Variants in IMMP2L observed in about 807,000 individuals in gnomAD.
IMMP2L encodes mitochondrial inner membrane protease subunit 2.
Under a neutral mutation model 19.3 loss-of-function variants are expected in IMMP2L, and 18 were observed. The ratio of observed to expected loss-of-function variants is 0.93; its 90% CI spans 0.64 to 1.38. IMMP2L has a LOEUF of 1.38. Ranked by LOEUF, IMMP2L falls within the 40% of genes most tolerant of loss-of-function variation. IMMP2L has a pLI of 0.00. For missense variants in IMMP2L, 233 were observed against 218.2 expected, an observed-to-expected ratio of 1.07 and a Z score of -0.43; for synonymous variants, 76 against 73.0, an observed-to-expected ratio of 1.04 and a Z score of -0.21.
intron 3 of IMMP2L, among the ~76,000 whole-genome samples, chr7:111,355,618 A>G (rs1020715994): frequency 4.6e-5 from 7 of 151,942 alleles, no homozygotes; most frequent in African/African-American, 1.7e-4. Flanking sequence ...CAGGGAAAAA[A>G]TAGAATAGAA....
intron 5 of IMMP2L, among the ~76,000 whole-genome samples, chr7:110,878,610 A>G (rs1318454718): frequency 6.6e-6 from 1 of 152,212 alleles, no homozygotes; most frequent in East Asian, 1.9e-4. Context: ...TTAATCCTTC[A>G]TATCATTCAC....
intron 3 of IMMP2L, among the ~76,000 whole-genome samples, chr7:111,238,440 ATCAC>A (rs1462194820): frequency 2.6e-5 from 4 of 152,170 alleles, no homozygotes; most frequent in South Asian, 2.1e-4. Flanking sequence ...AATACGATGT[ATCAC>A]TCACTCACTA....
At chr7:111,043,374 C>G (rs1045665662) in intron 3 of IMMP2L, among the ~76,000 whole-genome samples, 1 of 152,108 alleles carries the variant, frequency 6.6e-6, no homozygotes, top group Non-Finnish European at 1.5e-5. Context: ...AATGTCCCAC[C>G]TTCCTCCCCT....
Position 110,869,119 on chromosome 7 carries a change from G to A in IMMP2L, c.408+17474C>T, listed in dbSNP as rs567092074. On this transcript the variant is annotated intron_variant, in intron 5 of 5. Transcript: ENST00000405709. Reference sequence around the variant, plus strand: ...TACGCAACAGAAACTGTAATTATTTGTTCCCAGAGTTCAGGAAAATCAACC... The same window carrying A: ...TACGCAACAGAAACTGTAATTATTTATTCCCAGAGTTCAGGAAAATCAACC... 1.6e-4 allele frequency among the ~76,000 whole-genome samples: 25 copies of A among 152,096 alleles called. No individual in the cohort carries two copies. In the South Asian group the frequency reaches 5.2e-3, roughly 32 times the overall value.
chr7:111,339,144 T>C (rs540711698), intron 3 of IMMP2L, among the ~76,000 whole-genome samples: 34 of 152,050 alleles, frequency 2.2e-4, no homozygotes, highest in Non-Finnish European at 4.6e-4. Flanking sequence ...AATTATATAA[T>C]AGAAATATTA....
intron 2 of IMMP2L, among the ~76,000 whole-genome samples, chr7:111,507,329 C>T (rs890903676): frequency 2.0e-5 from 3 of 152,164 alleles, no homozygotes; most frequent in Non-Finnish European, 4.4e-5. Context: ...CTTCCCATAT[C>T]TTATATAAAG....
rs189514677 is a variant in IMMP2L, at chr7:111,410,773, G to A, written c.239+76465C>T. Among the ~76,000 whole-genome samples, 101 of 151,686 alleles carry A rather than the reference G, an allele frequency of 6.7e-4. 4 individuals are homozygous for A. The highest frequency in any genetic ancestry group is 2.3e-3 in the African/African-American group (94 of 41,192). ...AAATATTTAAAAATATTTTTGATAC[G>A]AAAATGTTGCAGATAAGACACTACA... is the stretch of plus-strand genomic sequence containing the variant. On this transcript the variant is annotated intron_variant, in intron 3 of 5. Coordinates refer to ENST00000405709, the MANE Select transcript of IMMP2L (RefSeq NM_032549.4).
intron 3 of IMMP2L, among the ~76,000 whole-genome samples, chr7:111,404,625 A>G (rs1431724455): frequency 6.6e-6 from 1 of 152,144 alleles, no homozygotes; most frequent in East Asian, 1.9e-4. Flanking sequence ...TATACTTTTT[A>G]TCCATTTGAA....
At position 111,058,509 on chromosome 7, in the gene IMMP2L, T is replaced by C. The variant is rs193008348; in HGVS notation, c.240-94944A>G. On this transcript the variant is annotated intron_variant, in intron 3 of 5. Transcript: ENST00000405709. ...TAGGAACTCAGGATAGAATCACAAA[T>C]AACACAATTAAAGAGAACAGGGTTC... Among the ~76,000 whole-genome samples the C allele has an allele frequency of 5.6e-4, 86 of 152,280 alleles. No homozygotes were observed. The South Asian group carries it at 8.9e-3, about 16-fold the overall frequency.
chr7:110,717,586 G>A (rs1795309813), intron 5 of IMMP2L, among the ~76,000 whole-genome samples: 2 of 152,222 alleles, frequency 1.3e-5, no homozygotes, highest in Non-Finnish European at 2.9e-5. Flanking sequence ...TTGGAACACA[G>A]TACATGGCCA....
At chr7:110,875,112 A>C (rs1294322865) in intron 5 of IMMP2L, among the ~76,000 whole-genome samples, 1 of 152,126 alleles carries the variant, frequency 6.6e-6, no homozygotes, top group Non-Finnish European at 1.5e-5. Flanking sequence ...AAAGTCACAA[A>C]TACTACTTGA....
intron 5 of IMMP2L, among the ~76,000 whole-genome samples, chr7:110,692,114 CT>C (rs1793545821): frequency 6.6e-6 from 1 of 152,088 alleles, no homozygotes; most frequent in Admixed American, 6.6e-5. Context: ...AACATACACA[CT>C]CCCCCCACAA....
At chr7:111,387,073 G>T (rs1284553429) in intron 3 of IMMP2L, among the ~76,000 whole-genome samples, 5 of 152,076 alleles carry the variant, frequency 3.3e-5, no homozygotes, top group African/African-American at 9.7e-5. Context: ...CCTGTAAAAA[G>T]AAAAGAAAAT....
At position 110,825,215 on chromosome 7, in the gene IMMP2L, C is replaced by T. The variant is rs185562348; in HGVS notation, c.408+61378G>A. Among the ~76,000 whole-genome samples the T allele has an allele frequency of 4.7e-4, 71 of 152,142 alleles. 1 individual carries two copies. The highest frequency in any genetic ancestry group is 8.3e-4 in the South Asian group (4 of 4,814). The stretch of plus-strand genomic sequence containing the variant: ...CTCAAACAAATGGAAGAACATTCCA[C>T]GCTCATGGATAGGAAGAATCAATAT... On this transcript the variant is annotated intron_variant, in intron 5 of 5. Transcript: ENST00000405709.
intron 3 of IMMP2L, among the ~76,000 whole-genome samples, chr7:111,026,132 G>GGTAAAACTATT (rs1243599064): frequency 2.6e-5 from 4 of 151,802 alleles, no homozygotes; most frequent in Non-Finnish European, 5.9e-5. Context: ...AATAGAATTT[G>GGTAAAACTATT]GTAAAACTAA....
chr7:110,726,603 T>C (rs371179878), intron 5 of IMMP2L, among the ~76,000 whole-genome samples: 1 of 152,230 alleles, frequency 6.6e-6, no homozygotes, highest in African/African-American at 2.4e-5. Flanking sequence ...GAAAAAGTTA[T>C]TGATAAGCTG....
intron 5 of IMMP2L, among the ~76,000 whole-genome samples, chr7:110,782,179 A>C (rs374816744): frequency 2.6e-5 from 4 of 151,928 alleles, no homozygotes; most frequent in African/African-American, 9.7e-5. Context: ...TACACATAAA[A>C]GAGAGATTCT....
In IMMP2L at chr7:110,960,868, G is replaced by C. The variant is rs1818858596; in HGVS notation, c.305+2632C>G. ...ATATAAACAACCCAATACAAAATGT[G>C]CAAATGATCTGAACAGTTATCTCAC... On this transcript the variant is annotated intron_variant, in intron 4 of 5. Coordinates refer to ENST00000405709, the MANE Select transcript of IMMP2L (RefSeq NM_032549.4). Among the ~76,000 whole-genome samples, 3 of 151,832 alleles carry C rather than the reference G, an allele frequency of 2.0e-5. No homozygotes were observed. The South Asian group carries it at 6.2e-4, about 31-fold the overall frequency.
chr7:110,904,699 T>C (rs571800697), intron 4 of IMMP2L, among the ~76,000 whole-genome samples: 2 of 152,328 alleles, frequency 1.3e-5, no homozygotes, highest in South Asian at 4.1e-4. Flanking sequence ...CATCCCCTTG[T>C]TTTATGGGCT....
Sources: gnomAD v4.1 joint callset for allele counts (sites outside exome capture counted in the v4.1 genomes callset) on GRCh38, gnomAD v4.1.1 for gene constraint, MANE v1.5 for transcripts, NCBI Gene and HGNC (gene_info 2026-07-23, HGNC 2026-07-21) for gene names.